Variants in RGMB observed in about 807,000 individuals in gnomAD.
RGMB encodes the protein repulsive guidance molecule B.
A neutral mutation model predicts 26.9 loss-of-function variants in RGMB; 16 were observed. The observed-to-expected ratio is 0.60, with a 90% CI of 0.40 to 0.90. The LOEUF (loss-of-function observed/expected upper bound fraction) is 0.90, where lower values mean the gene tolerates loss of function less well. RGMB is among the 40% of genes least tolerant of loss of function. The pLI, the probability that RGMB is intolerant of heterozygous loss-of-function variation, is 0.00. For missense variants in RGMB, 512 were observed against 573.3 expected (o/e 0.89, Z 1.09); for synonymous variants, 225 against 229.3 (o/e 0.98, Z 0.17).
At chr5:98,770,623 G>GC, upstream of RGMB, 1 of 1,379,804 alleles carries the variant, frequency 7.2e-7, no homozygotes, top group South Asian at 1.9e-5. Flanking sequence ...AAGTTCAGGG[G>GC]CCCCCTGATC....
At chr5:98,781,687 G>A (rs965990264) in intron 2 of RGMB, among the ~76,000 whole-genome samples, 1 of 152,156 alleles carries the variant, frequency 6.6e-6, no homozygotes, top group Admixed American at 6.5e-5. Flanking sequence ...ATTAATCAGA[G>A]CTTGTAAATG....
In RGMB at chr5:98,795,758, C is replaced by T. The variant is rs1747100604; in HGVS notation, c.*2005C>T. The T allele has an allele frequency of 6.6e-6, 1 of 151,804 alleles. No individual in the cohort carries two copies. The highest frequency in any genetic ancestry group is 2.4e-5 in the African/African-American group (1 of 41,302). The allele number at this position is 151,804 out of a possible 1,614,324, so 9.4% of individuals were successfully genotyped here. A position where few individuals can be genotyped will look rare whatever the true frequency, so the allele number is the denominator to read the frequency against. ...TTGTTTTATAATTGAGTAGTACAAGCGAGGAAAAAATACGGAGGATAACCA... is the reference window on the plus strand; with the variant it reads ...TTGTTTTATAATTGAGTAGTACAAGTGAGGAAAAAATACGGAGGATAACCA... On this transcript the variant is annotated 3_prime_UTR_variant, in exon 3 of 3. Coordinates refer to ENST00000513185, the MANE Select transcript of RGMB (RefSeq NM_001366508.1).
At chr5:98,786,701 G>A (rs1019820850) in intron 2 of RGMB, among the ~76,000 whole-genome samples, 1 of 152,174 alleles carries the variant, frequency 6.6e-6, no homozygotes, top group Non-Finnish European at 1.5e-5. Flanking sequence ...GGTAACTTAA[G>A]GACTTTTCAT....
rs768995196 is a variant in RGMB at position 98,793,322 on chromosome 5, A to G, written c.883A>G (p.Met295Val). ...VGRYLTLAIR[M>V]PEDLAMSYEE... ...TCGCTACCTGACCCTTGCCATCCGT[A>G]TGCCTGAAGACCTGGCCATGTCCTA... The change falls in exon 3 of 3, where the codon ATG (methionine) becomes GTG (valine). Residue 295 changes from methionine to valine, a missense_variant. Coordinates refer to ENST00000513185, the MANE Select transcript of RGMB (RefSeq NM_001366508.1). 1.9e-6 allele frequency: 3 copies of G among 1,613,750 alleles called. No homozygotes were observed. Among genetic ancestry groups the G allele is most frequent in the Non-Finnish European group, 2.5e-6 (3 of 1,179,852 alleles).
chr5:98,786,819 A>G (rs186707966), intron 2 of RGMB, among the ~76,000 whole-genome samples: 94 of 152,322 alleles, frequency 6.2e-4, no homozygotes, highest in Non-Finnish European at 1.2e-3. Context: ...TCACAGTGCT[A>G]TTGGGTCTAG....
At chr5:98,790,484 G>A (rs1397684072) in intron 2 of RGMB, among the ~76,000 whole-genome samples, 1 of 152,204 alleles carries the variant, frequency 6.6e-6, no homozygotes, top group Non-Finnish European at 1.5e-5. Context: ...TTCTAGATAG[G>A]TAGGAGTTAT....
At chr5:98,772,667 G>C (rs1746204957), upstream of RGMB, 1 of 152,146 alleles carries the variant, frequency 6.6e-6, no homozygotes, top group South Asian at 2.1e-4. Context: ...CTGCTTTTCT[G>C]TCTCCACTTG....
rs1377056856 is a variant in RGMB, at chr5:98,795,510, C to T, written c.*1757C>T. 6.6e-6 allele frequency: 1 copy of T among 152,148 alleles called. No homozygotes were observed. Among genetic ancestry groups the T allele is most frequent in the Non-Finnish European group, 1.5e-5 (1 of 68,034 alleles). The allele number at this position is 152,148 out of a possible 1,614,324, so 9.4% of individuals were successfully genotyped here. ...GTGAATTCATGTAGAGGTGGCAAAC[C>T]TCTACCTTGTGTTGATGAGAGAATA... is the stretch of plus-strand genomic sequence containing the variant. On this transcript the variant is annotated 3_prime_UTR_variant, in exon 3 of 3. Coordinates refer to ENST00000513185, the MANE Select transcript of RGMB (RefSeq NM_001366508.1).
At position 98,774,158 on chromosome 5, in the gene RGMB, C is replaced by T; in HGVS notation, c.88C>T (p.Leu30=). ...RRSPGLCPPP[L]ELLLLLLFSL... ...CAGCCCCGGGCTCTGCCCCCCGCCG[C>T]TGGAGCTGCTGCTGCTGCTGCTGTT... Residue 30 remains leucine (L), a synonymous_variant, in exon 1 of 3, where the codon CTG becomes TTG. Transcript: ENST00000513185. The T allele has an allele frequency of 1.3e-6, 2 of 1,499,736 alleles. No homozygotes were observed. Among genetic ancestry groups the T allele is most frequent in the African/African-American group, 2.9e-5 (2 of 69,018 alleles). The allele number at this position is 1,499,736 out of a possible 1,614,324, so 92.9% of individuals were successfully genotyped here. A position where few individuals can be genotyped will look rare whatever the true frequency, so the allele number is the denominator to read the frequency against.
At chr5:98,783,254 C>T (rs547760281) in intron 2 of RGMB, among the ~76,000 whole-genome samples, 109 of 152,278 alleles carry the variant, frequency 7.2e-4, no homozygotes, top group Non-Finnish European at 1.2e-3. Context: ...TTTCATCTCT[C>T]CACCCCGGGG....
At chr5:98,783,168 T>C (rs1160258538) in intron 2 of RGMB, among the ~76,000 whole-genome samples, 3 of 152,160 alleles carry the variant, frequency 2.0e-5, no homozygotes, top group Admixed American at 1.3e-4. Context: ...CCTGCCTCCC[T>C]CTCTTTGGAG....
In RGMB at chr5:98,783,986, A is replaced by G. The variant is rs541665394; in HGVS notation, c.645+3898A>G. ...CTTCCACCTCAGTAACACAAAATAA[A>G]AAGTAGGAGTGGAGACTGGGGATGA... On this transcript the variant is annotated intron_variant, in intron 2 of 2. Transcript: ENST00000513185. 5.3e-4 allele frequency among the ~76,000 whole-genome samples: 81 copies of G among 152,274 alleles called. 4 individuals carry two copies. In the South Asian group the frequency reaches 0.016, roughly 31 times the overall value.
At chr5:98,776,284 A>G (rs762014150) in intron 1 of RGMB, among the ~76,000 whole-genome samples, 2 of 152,266 alleles carry the variant, frequency 1.3e-5, no homozygotes, top group African/African-American at 2.4e-5. Context: ...ACCCAAAAAT[A>G]GAGAAATCTG....
rs1747039412 is a variant in RGMB at position 98,794,106 on chromosome 5, C to G, written c.*353C>G. 6.2e-6 allele frequency: 1 copy of G among 160,812 alleles called. No homozygotes were observed. Among genetic ancestry groups the G allele is most frequent in the Non-Finnish European group, 1.4e-5 (1 of 73,942 alleles). The allele number at this position is 160,812 out of a possible 1,614,324, so 10.0% of individuals were successfully genotyped here. On this transcript the variant is annotated 3_prime_UTR_variant, in exon 3 of 3. Transcript: ENST00000513185. ...ACACAGACATCCATATGCAGCGTTTCCTTTGAAGGTGACCAGTTGTTTGTA... is the reference window on the plus strand; with the variant it reads ...ACACAGACATCCATATGCAGCGTTTGCTTTGAAGGTGACCAGTTGTTTGTA...
chr5:98,778,765 A>G (rs1198123324), intron 1 of RGMB, among the ~76,000 whole-genome samples: 3 of 152,176 alleles, frequency 2.0e-5, no homozygotes, highest in Non-Finnish European at 2.9e-5. Context: ...TAGGGCAGTG[A>G]TACTTTGGTT....
upstream of RGMB, among the ~76,000 whole-genome samples, chr5:98,771,994 G>C (rs1434764934): frequency 6.6e-6 from 1 of 152,156 alleles, no homozygotes; most frequent in African/African-American, 2.4e-5. Flanking sequence ...TATTATGTTT[G>C]ATTACTTTTT....
intron 2 of RGMB, among the ~76,000 whole-genome samples, chr5:98,781,390 AAAAT>A (rs1349873347): frequency 6.6e-6 from 1 of 152,238 alleles, no homozygotes; most frequent in Non-Finnish European, 1.5e-5. Context: ...TCCATATCTC[AAAAT>A]AAACTTTTCT....
chr5:98,780,350 G>C (rs764544720), intron 2 of RGMB: 67 of 393,848 alleles, frequency 1.7e-4, no homozygotes, highest in South Asian at 2.8e-4. Flanking sequence ...CAGGGAAAAG[G>C]CAGACCTGTT....
At chr5:98,785,722 A>G (rs1746750716) in intron 2 of RGMB, among the ~76,000 whole-genome samples, 1 of 152,218 alleles carries the variant, frequency 6.6e-6, no homozygotes, top group African/African-American at 2.4e-5. Context: ...CATCTTTAAA[A>G]TTCTCATAAA....
Sources: gnomAD v4.1 joint callset for allele counts (sites outside exome capture counted in the v4.1 genomes callset) on GRCh38, gnomAD v4.1.1 for gene constraint, MANE v1.5 for transcripts, NCBI Gene and HGNC (gene_info 2026-07-23, HGNC 2026-07-21) for gene names.